HPF1: variants seen among roughly 807,000 people sequenced by gnomAD.
HPF1 encodes UPF0609 protein C4orf27.
In HPF1, 35 loss-of-function variants were observed where a neutral mutation model predicts 38.8. That is an observed-to-expected ratio of 0.90 (90% CI 0.69 to 1.19). The LOEUF (loss-of-function observed/expected upper bound fraction) is 1.19, where lower values mean the gene tolerates loss of function less well. HPF1 is among the 50% of genes most tolerant of loss of function. HPF1 has a pLI of 0.00. For synonymous variants in HPF1, 115 were observed against 139.2 expected (o/e 0.83, Z 1.22); for missense variants, 367 against 405.8 (o/e 0.90, Z 0.82).
In HPF1 at chr4:169,750,692, A is replaced by T; in HGVS notation, c.242T>A (p.Val81Asp). Residue 81 changes from valine to aspartate, a missense_variant, in exon 3 of 8, where the codon GTT (valine) becomes GAT (aspartate). Val to Asp is a radical substitution (Grantham distance 152). Coordinates refer to ENST00000393381, the MANE Select transcript of HPF1 (RefSeq NM_017867.3). The part of the protein sequence containing the change: ...SLSASLGLQL[V>D]GPYDILAGKH... ...TCCAGCAAGGATATCATAAGGACCA[A>T]CTAATTGAAGTCCAAGGCTTGCAGA... 6.2e-7 allele frequency: 1 copy of T among 1,612,388 alleles called. No individual in the cohort carries two copies. Among genetic ancestry groups the T allele is most frequent in the East Asian group, 2.2e-5 (1 of 44,830 alleles).
intron 2 of HPF1, among the ~76,000 whole-genome samples, chr4:169,751,401 TC>T (rs1734117760): frequency 1.0e-5 from 1 of 97,384 alleles, no homozygotes; most frequent in Non-Finnish European, 1.8e-5. Context: ...AGGCTCTGTC[TC>T]AAAAAAAAAA....
Position 169,737,758 on chromosome 4 carries a change from G to T in HPF1, c.649-11C>A, listed in dbSNP as rs746461206. On this transcript the variant is annotated splice_polypyrimidine_tract_variant and intron_variant, in intron 5 of 7. Coordinates refer to ENST00000393381, the MANE Select transcript of HPF1 (RefSeq NM_017867.3). Reference sequence around the variant, plus strand: ...GGTCTTTGTCACAACCTACATTAAAGAAAAGAATAAAATGTAATCATGGTA... The same window carrying T: ...GGTCTTTGTCACAACCTACATTAAATAAAAGAATAAAATGTAATCATGGTA... The T allele has an allele frequency of 6.4e-7, 1 of 1,563,778 alleles. No individual in the cohort carries two copies. The highest frequency in any genetic ancestry group is 1.1e-5 in the South Asian group (1 of 89,564).
rs370643268 is a variant in HPF1 at position 169,742,050 on chromosome 4, C to T, written c.555G>A (p.Leu185=). 2.6e-5 allele frequency: 42 copies of T among 1,610,296 alleles called. No homozygotes were observed. In the African/African-American group the frequency reaches 4.9e-4, roughly 19 times the overall value. Reference sequence around the variant, plus strand: ...CTGTGAGTTTTTCATCTATGTTTTTCAAGAGATTGATTTTCTTTTTATCCG... The same window carrying T: ...CTGTGAGTTTTTCATCTATGTTTTTTAAGAGATTGATTTTCTTTTTATCCG... ...EITDKKKINL[L]KNIDEKLTEA... The change falls in exon 5 of 8, where the codon TTG becomes TTA. Residue 185 remains leucine, a synonymous_variant. Transcript: ENST00000393381.
At position 169,757,799 on chromosome 4, in the gene HPF1, C is replaced by G. The variant is rs768475029; in HGVS notation, c.48+31G>C. ...GCCCTGGCTGTCACCCAAAGCGCCC[C>G]GCGTAGCCCGCACAGCCTTTCCGGC... On this transcript the variant is annotated intron_variant, in intron 1 of 7. Transcript: ENST00000393381. 1.4e-4 allele frequency: 214 copies of G among 1,548,652 alleles called. 1 individual carries two copies. Among genetic ancestry groups the G allele is most frequent in the Non-Finnish European group, 1.3e-4 (151 of 1,152,622 alleles).
intron 7 of HPF1, among the ~76,000 whole-genome samples, chr4:169,730,101 G>A (rs1288349779): frequency 9.9e-5 from 15 of 152,170 alleles, no homozygotes; most frequent in East Asian, 3.9e-4. Context: ...TTTTCAGATC[G>A]TATTGCCTTT....
At chr4:169,757,591 G>A (rs190487340) in intron 1 of HPF1, among the ~76,000 whole-genome samples, 2 of 152,152 alleles carry the variant, frequency 1.3e-5, no homozygotes, top group Non-Finnish European at 2.9e-5. Flanking sequence ...GGCTTAATCC[G>A]TTTCCCCAGG....
chr4:169,739,375 G>C (rs1376113541), intron 5 of HPF1, among the ~76,000 whole-genome samples: 1 of 151,754 alleles, frequency 6.6e-6, no homozygotes, highest in Non-Finnish European at 1.5e-5. Context: ...ACACATGTAA[G>C]AAAAAGACTA....
intron 4 of HPF1, among the ~76,000 whole-genome samples, chr4:169,744,779 A>C (rs540863830): frequency 6.6e-5 from 10 of 151,748 alleles, no homozygotes; most frequent in African/African-American, 2.4e-4. Context: ...AATTCCTGCC[A>C]GTAGCTAGAC....
intron 4 of HPF1, among the ~76,000 whole-genome samples, chr4:169,747,840 T>C (rs1221139686): frequency 6.6e-6 from 1 of 152,222 alleles, no homozygotes; most frequent in Admixed American, 6.5e-5. Flanking sequence ...TAGAGGCATC[T>C]GATGGTTCTG....
At chr4:169,747,326 G>C (rs1734062088) in intron 4 of HPF1, among the ~76,000 whole-genome samples, 1 of 152,038 alleles carries the variant, frequency 6.6e-6, no homozygotes, top group African/African-American at 2.4e-5. Flanking sequence ...AGGAAACTGA[G>C]AGGTATTAGA....
At chr4:169,756,935 C>T (rs2150294517) in intron 1 of HPF1, among the ~76,000 whole-genome samples, 1 of 152,330 alleles carries the variant, frequency 6.6e-6, no homozygotes, top group South Asian at 2.1e-4. Context: ...TCCTAGAATG[C>T]ATGACCCAAT....
At chr4:169,743,409 CTTTTTTTTTTTT>C (rs34941625) in intron 4 of HPF1, among the ~76,000 whole-genome samples, 2 of 69,738 alleles carry the variant, frequency 2.9e-5, no homozygotes, top group Non-Finnish European at 2.4e-5. Context: ...TGCCCCTGGC[CTTTTTTTTTTTT>C]TTTTTTTTTT....
At chr4:169,754,083 A>G (rs561078980) in intron 1 of HPF1, among the ~76,000 whole-genome samples, 1 of 152,346 alleles carries the variant, frequency 6.6e-6, no homozygotes, top group African/African-American at 2.4e-5. Flanking sequence ...GGAAACCACA[A>G]AAAACAAAAA....
chr4:169,730,702 T>C (rs1443413358), intron 7 of HPF1, among the ~76,000 whole-genome samples: 1 of 152,198 alleles, frequency 6.6e-6, no homozygotes, highest in Non-Finnish European at 1.5e-5. Context: ...GGAGAGCTAC[T>C]GGTTTGGTCT....
intron 6 of HPF1, 54 bp from the exon 7 acceptor site, chr4:169,731,930 G>C: frequency 7.2e-7 from 1 of 1,388,700 alleles, no homozygotes; most frequent in Non-Finnish European, 1.0e-6. Context: ...AAATGAATCA[G>C]TCTTCAAAAG....
In HPF1 at chr4:169,753,799, A is replaced by G. The variant is rs776600315; in HGVS notation, c.85T>C (p.Cys29Arg). Residue 29 changes from cysteine to arginine, a missense_variant, in exon 2 of 8, where the codon TGT becomes CGT. Physicochemically the swap from Cys to Arg is radical, Grantham distance 180. Coordinates refer to ENST00000393381, the MANE Select transcript of HPF1 (RefSeq NM_017867.3). ...AGGTCACTGGAGACATCAGCTTCACAGAATTTACTTTTCTTCACATCAGTT... is the reference window on the plus strand; with the variant it reads ...AGGTCACTGGAGACATCAGCTTCACGGAATTTACTTTTCTTCACATCAGTT... ...KTTDVKKSKF[C>R]EADVSSDLRK... The G allele has an allele frequency of 8.7e-6, 14 of 1,610,094 alleles. No individual in the cohort carries two copies. Among genetic ancestry groups the G allele is most frequent in the Non-Finnish European group, 1.2e-5 (14 of 1,179,214 alleles).
chr4:169,746,582 C>T (rs1438965971), intron 4 of HPF1, among the ~76,000 whole-genome samples: 2 of 151,818 alleles, frequency 1.3e-5, no homozygotes, highest in Admixed American at 1.3e-4. Flanking sequence ...TTAAATCTTG[C>T]AGACACAAGA....
intron 6 of HPF1, 24 bp from the exon 7 acceptor site, chr4:169,731,900 A>G: frequency 6.4e-7 from 1 of 1,566,368 alleles, no homozygotes; most frequent in Non-Finnish European, 8.8e-7. Flanking sequence ...ATAATATAAA[A>G]GATTATCTAC....
chr4:169,739,869 A>G (rs553998165), intron 5 of HPF1, among the ~76,000 whole-genome samples: 1 of 152,368 alleles, frequency 6.6e-6, no homozygotes, highest in East Asian at 1.9e-4. Context: ...TGATAATGAA[A>G]GAAAAAGACA....
Sources: allele counts gnomAD v4.1 joint callset (sites outside exome capture counted in the v4.1 genomes callset), GRCh38; gene constraint gnomAD v4.1.1; transcripts MANE v1.5; gene names NCBI Gene and HGNC (gene_info 2026-07-23, HGNC 2026-07-21).